DLGAP2: variants seen among roughly 807,000 people sequenced by gnomAD.
DLGAP2 encodes DLG associated protein 2.
A neutral mutation model predicts 100.3 loss-of-function variants in DLGAP2; 26 were observed. The observed-to-expected ratio is 0.26, with a 90% confidence interval of 0.19 to 0.36. DLGAP2 has a LOEUF of 0.36. Ranked by LOEUF, DLGAP2 falls within the 10% of genes least tolerant of loss-of-function variation. DLGAP2 has a pLI of 1.00. For missense variants in DLGAP2, 1,858 were observed against 1,453.2 expected (o/e 1.28, Z -4.53); for synonymous variants, 886 against 630.1 (o/e 1.41, Z -6.08).
At chr8:1,150,993 A>G (rs1796687470) in intron 2 of DLGAP2, among the ~76,000 whole-genome samples, 1 of 152,228 alleles carries the variant, frequency 6.6e-6, no homozygotes, top group African/African-American at 2.4e-5. Flanking sequence ...CATGTATGAA[A>G]CACACATACA....
At chr8:1,564,747 A>C (rs893203154) in intron 5 of DLGAP2, among the ~76,000 whole-genome samples, 1 of 152,232 alleles carries the variant, frequency 6.6e-6, no homozygotes, top group Non-Finnish European at 1.5e-5. Context: ...AGGCAGACAC[A>C]TAACATGCAT....
chr8:1,194,740 G>A (rs548019741), intron 2 of DLGAP2, among the ~76,000 whole-genome samples: 1 of 152,172 alleles, frequency 6.6e-6, no homozygotes, highest in Non-Finnish European at 1.5e-5. Flanking sequence ...CCCTGGGCCC[G>A]ATGAGCTTCA....
At chr8:975,270 G>C (rs749866549) in intron 2 of DLGAP2, among the ~76,000 whole-genome samples, 2 of 152,114 alleles carry the variant, frequency 1.3e-5, no homozygotes, top group Non-Finnish European at 2.9e-5. Context: ...AAAACAGTAA[G>C]CACCAAGCCC....
At chr8:983,969 G>T (rs1248660226) in intron 2 of DLGAP2, among the ~76,000 whole-genome samples, 1 of 152,152 alleles carries the variant, frequency 6.6e-6, no homozygotes, top group Non-Finnish European at 1.5e-5. Context: ...CCGGTGTGGT[G>T]CCTTGCTATT....
In DLGAP2 at chr8:1,337,911, G is replaced by T. The variant is rs1344824414; in HGVS notation, c.106+79028G>T. Among the ~76,000 whole-genome samples the T allele has an allele frequency of 2.6e-5, 4 of 152,228 alleles. No homozygotes were observed. In the East Asian group the frequency reaches 7.7e-4, roughly 29 times the overall value. ...ATAAACAGTTCTCCAAAGAAGGCCT[G>T]CAAATGTTCCACTAAGTACAGGGAA... On this transcript the variant is annotated intron_variant, in intron 3 of 14. Transcript: ENST00000637795.
chr8:1,316,316 TTGG>T, intron 3 of DLGAP2, among the ~76,000 whole-genome samples: 1 of 133,574 alleles, frequency 7.5e-6, no homozygotes, highest in Non-Finnish European at 1.6e-5. Context: ...CTCGAGAAAC[TTGG>T]CAGCGTTTAA....
intron 2 of DLGAP2, among the ~76,000 whole-genome samples, chr8:958,264 ACCG>A: frequency 6.6e-6 from 1 of 152,010 alleles, no homozygotes; most frequent in Non-Finnish European, 1.5e-5. Flanking sequence ...ACACCCCCCC[ACCG>A]CCGCCATGTT....
chr8:1,362,191 C>A (rs1042832403), intron 3 of DLGAP2, among the ~76,000 whole-genome samples: 2 of 152,056 alleles, frequency 1.3e-5, no homozygotes, highest in African/African-American at 4.8e-5. Flanking sequence ...AGGGCAGGGG[C>A]GGCCGAGGTG....
chr8:1,129,843 G>C (rs1796248364), intron 2 of DLGAP2, among the ~76,000 whole-genome samples: 1 of 152,176 alleles, frequency 6.6e-6, no homozygotes, highest in Non-Finnish European at 1.5e-5. Flanking sequence ...TCTGCAGTCA[G>C]CAACCGTGGG....
intron 1 of DLGAP2, among the ~76,000 whole-genome samples, chr8:821,443 G>A (rs1386560444): frequency 6.6e-6 from 1 of 152,228 alleles, no homozygotes; most frequent in African/African-American, 2.4e-5. Flanking sequence ...TACTTCCTCC[G>A]ATTCATTTCT....
chr8:802,347 C>G (rs946578976), intron 1 of DLGAP2, among the ~76,000 whole-genome samples: 1 of 152,266 alleles, frequency 6.6e-6, no homozygotes, highest in Non-Finnish European at 1.5e-5. Context: ...CTCCTGGGTC[C>G]CCCCACCTCA....
At chr8:1,203,660 C>A (rs528606960) in intron 2 of DLGAP2, among the ~76,000 whole-genome samples, 36 of 152,200 alleles carry the variant, frequency 2.4e-4, no homozygotes, top group Non-Finnish European at 5.0e-4. Flanking sequence ...GAATGGATGA[C>A]GGTGCGAAGA....
chr8:1,624,335 G>T lies in DLGAP2; in HGVS notation c.1443-2405G>T, dbSNP rs1315904037. ...AGTTTACATTTCTGCAAAGACAAAG[G>T]TGAGTCAAGTTAAGAGCCTCAGTCA... On this transcript the variant is annotated intron_variant, in intron 6 of 14. Coordinates refer to ENST00000637795, the MANE Select transcript of DLGAP2 (RefSeq NM_001346810.2). Among the ~76,000 whole-genome samples the T allele has an allele frequency of 3.3e-5, 5 of 152,086 alleles. No individual in the cohort carries two copies. The East Asian group carries it at 9.6e-4, about 29-fold the overall frequency.
chr8:1,306,099 G>GAA (rs1216731279), intron 3 of DLGAP2, among the ~76,000 whole-genome samples: 2 of 125,946 alleles, frequency 1.6e-5, no homozygotes, highest in South Asian at 2.5e-4. Context: ...AAAAGAGAGA[G>GAA]GGAGAAAAAA....
chr8:1,108,445 A>C (rs1038583142), intron 2 of DLGAP2, among the ~76,000 whole-genome samples: 3 of 151,940 alleles, frequency 2.0e-5, no homozygotes, highest in Non-Finnish European at 4.4e-5. Context: ...GATGTGAGTG[A>C]GTGCACGTGC....
intron 1 of DLGAP2, chr8:822,160 T>C (rs921866897): frequency 1.8e-5 from 7 of 399,604 alleles, no homozygotes; most frequent in East Asian, 3.6e-5. Flanking sequence ...ACCCTCTGCC[T>C]GCGCCCAGCC....
intron 2 of DLGAP2, among the ~76,000 whole-genome samples, chr8:1,216,400 G>A (rs1249682546): frequency 1.3e-5 from 2 of 151,868 alleles, no homozygotes; most frequent in African/African-American, 4.8e-5. Context: ...CCAGGCTGGA[G>A]TGCAGTGGCT....
chr8:1,065,482 T>C (rs1279902787), intron 2 of DLGAP2, among the ~76,000 whole-genome samples: 1 of 152,242 alleles, frequency 6.6e-6, no homozygotes, highest in East Asian at 1.9e-4. Flanking sequence ...CTGTCTCTTA[T>C]CACACAACAC....
At chr8:1,210,733 C>T (rs113504062) in intron 2 of DLGAP2, among the ~76,000 whole-genome samples, 1 of 149,222 alleles carries the variant, frequency 6.7e-6, no homozygotes, top group Non-Finnish European at 1.5e-5. Flanking sequence ...CCACCCCCGG[C>T]CCTGGTTCCA....
Sources: allele counts gnomAD v4.1 joint callset (sites outside exome capture counted in the v4.1 genomes callset), GRCh38; gene constraint gnomAD v4.1.1; transcripts MANE v1.5; gene names NCBI Gene and HGNC (gene_info 2026-07-23, HGNC 2026-07-21).